Variants in LCOR observed in about 807,000 individuals in gnomAD.
LCOR encodes ligand-dependent corepressor.
In LCOR, 14 loss-of-function variants were observed where a neutral mutation model predicts 64.4. The ratio of observed to expected loss-of-function variants is 0.22; its 90% CI spans 0.14 to 0.34. The LOEUF (loss-of-function observed/expected upper bound fraction) is 0.34, where lower values mean the gene tolerates loss of function less well. Ranked by LOEUF, LCOR falls within the 10% of genes least tolerant of loss-of-function variation. The probability of loss-of-function intolerance (pLI) is 1.00; values close to 1 mark genes in which losing one functional copy is unlikely to be tolerated. For synonymous variants in LCOR, 643 were observed against 642.5 expected (o/e 1.00, Z -0.01); for missense variants, 1,686 against 1,765.3 (o/e 0.96, Z 0.80).
chr10:96,914,455 C>G (rs1204836229), intron 4 of LCOR, among the ~76,000 whole-genome samples: 1 of 152,208 alleles, frequency 6.6e-6, no homozygotes, highest in Non-Finnish European at 1.5e-5. Context: ...CCTCGGCCTC[C>G]CAAAGTGCTG....
chr10:96,960,886 G>C (rs540891786), intron 7 of LCOR: 3 of 152,214 alleles, frequency 2.0e-5, no homozygotes, highest in Admixed American at 6.5e-5. Context: ...GACTTGAATA[G>C]GATTTGTGAA....
At chr10:96,861,311 T>C (rs978590930) in intron 2 of LCOR, among the ~76,000 whole-genome samples, 6 of 152,212 alleles carry the variant, frequency 3.9e-5, no homozygotes, top group African/African-American at 1.4e-4. Context: ...GAAAATGTCA[T>C]AAGTTCGTAG....
rs761907103 is a variant in LCOR at position 96,920,751 on chromosome 10, T to TATATGTATACACACAC, written c.-184+13005_-184+13006insTATGTATACACACACA. The stretch of plus-strand genomic sequence containing the variant: ...GTTCATATATATGTGTATATATGTA[T>TATATGTATACACACAC]ACACACACACACACACACACACACA... On this transcript the variant is annotated intron_variant, in intron 4 of 7. Transcript: ENST00000421806. Among the ~76,000 whole-genome samples the TATATGTATACACACAC allele has an allele frequency of 2.6e-3, 305 of 118,836 alleles. 8 individuals are homozygous for TATATGTATACACACAC. Among genetic ancestry groups the TATATGTATACACACAC allele is most frequent in the East Asian group, 0.011 (45 of 4,110 alleles). 78.0% of individuals were successfully genotyped at this position (118,836 alleles called of 152,430 possible).
At chr10:96,922,841 T>C (rs1019355096) in intron 4 of LCOR, among the ~76,000 whole-genome samples, 1 of 152,196 alleles carries the variant, frequency 6.6e-6, no homozygotes, top group African/African-American at 2.4e-5. Context: ...AGCAGTAATA[T>C]ATATATTGAC....
At chr10:96,909,400 G>A (rs61492214) in intron 4 of LCOR, among the ~76,000 whole-genome samples, 1 of 151,960 alleles carries the variant, frequency 6.6e-6, no homozygotes. Flanking sequence ...AAGCCCCATC[G>A]TTCCTCTGCT....
At chr10:96,836,872 A>G (rs935188154) in intron 2 of LCOR, among the ~76,000 whole-genome samples, 6 of 152,240 alleles carry the variant, frequency 3.9e-5, no homozygotes, top group Admixed American at 3.3e-4. Context: ...CAGGTTAGAA[A>G]GTGGAGACTT....
chr10:96,873,631 C>T (rs564516789), intron 2 of LCOR, among the ~76,000 whole-genome samples: 31 of 143,400 alleles, frequency 2.2e-4, no homozygotes, highest in Admixed American at 3.6e-4. Flanking sequence ...GAGACAGGGT[C>T]TCCCTCTGTG....
intron 2 of LCOR, among the ~76,000 whole-genome samples, chr10:96,873,571 C>CACGT (rs759335426): frequency 6.4e-4 from 81 of 126,382 alleles, no homozygotes; most frequent in East Asian, 2.7e-3. Flanking sequence ...CACACACACA[C>CACGT]GTGTGTGTGT....
intron 2 of LCOR, among the ~76,000 whole-genome samples, chr10:96,883,986 T>C (rs986197708): frequency 1.3e-5 from 2 of 152,206 alleles, no homozygotes; most frequent in Non-Finnish European, 2.9e-5. Context: ...CAATAATATA[T>C]GGTTATTACA....
intron 2 of LCOR, among the ~76,000 whole-genome samples, chr10:96,860,698 G>A (rs942075153): frequency 1.3e-5 from 2 of 152,188 alleles, no homozygotes; most frequent in African/African-American, 4.8e-5. Flanking sequence ...AGTTTTCCCG[G>A]TGGATATCTT....
At chr10:96,833,921 G>C (rs779006028) in intron 2 of LCOR, among the ~76,000 whole-genome samples, 1 of 152,138 alleles carries the variant, frequency 6.6e-6, no homozygotes, top group Non-Finnish European at 1.5e-5. Context: ...AAGGGTGGAG[G>C]GGGTGTGGAG....
At chr10:96,864,464 A>G (rs923790045) in intron 2 of LCOR, among the ~76,000 whole-genome samples, 3 of 152,188 alleles carry the variant, frequency 2.0e-5, no homozygotes, top group Non-Finnish European at 4.4e-5. Flanking sequence ...CATCTTTACT[A>G]GCTACCAAGC....
chr10:96,879,039 G>T (rs541883809), intron 2 of LCOR, among the ~76,000 whole-genome samples: 1 of 151,998 alleles, frequency 6.6e-6, no homozygotes, highest in South Asian at 2.1e-4. Flanking sequence ...CAAGTGATTC[G>T]CCTGCCTTGA....
At chr10:96,960,041 T>C (rs939409323) in intron 7 of LCOR, 4 of 152,200 alleles carry the variant, frequency 2.6e-5, no homozygotes, top group Non-Finnish European at 5.9e-5. Flanking sequence ...TGGGATCAGA[T>C]GGTAAAACTA....
rs1029941316 is a variant in LCOR, at chr10:96,990,310, C to T, written c.*5176C>T. On this transcript the variant is annotated 3_prime_UTR_variant, in exon 8 of 8. Coordinates refer to ENST00000421806, the MANE Select transcript of LCOR (RefSeq NM_001346516.2). Reference sequence around the variant, plus strand: ...TAGTCATCTTCATTTTTATGACGCCCACTGCAGGCTCAAAGAGATTTTCAC... The same window carrying T: ...TAGTCATCTTCATTTTTATGACGCCTACTGCAGGCTCAAAGAGATTTTCAC... 6.6e-6 allele frequency: 1 copy of T among 151,924 alleles called. No homozygotes were observed. The highest frequency in any genetic ancestry group is 2.4e-5 in the African/African-American group (1 of 41,318). The allele number at this position is 151,924 out of a possible 1,614,324, so 9.4% of individuals were successfully genotyped here.
At chr10:96,960,078 C>G (rs1410535179) in intron 7 of LCOR, 3 of 152,076 alleles carry the variant, frequency 2.0e-5, no homozygotes, top group Non-Finnish European at 2.9e-5. Context: ...AAGTTTAGTT[C>G]CCAAGTTTTG....
rs146339082 is a variant in LCOR at position 96,948,349 on chromosome 10, A to C, written c.-50-659A>C. Among the ~76,000 whole-genome samples, 5 of 152,300 alleles carry C rather than the reference A, an allele frequency of 3.3e-5. No homozygotes were observed. In the East Asian group the frequency reaches 9.6e-4, roughly 29 times the overall value. ...GAGGTTCTACAGTTGTGGTCCCCAG[A>C]CCAGCAGCATCTAAGAACTTGTTAG... On this transcript the variant is annotated intron_variant, in intron 5 of 7. Coordinates refer to ENST00000421806, the MANE Select transcript of LCOR (RefSeq NM_001346516.2).
chr10:96,984,658 A>G lies in LCOR; in HGVS notation c.4198A>G (p.Lys1400Glu), dbSNP rs1848130223. 20 of 1,614,200 alleles carry G rather than the reference A, an allele frequency of 1.2e-5. No individual in the cohort carries two copies. Among genetic ancestry groups the G allele is most frequent in the Non-Finnish European group, 1.7e-5 (20 of 1,180,048 alleles). The change falls in exon 8 of 8, where the codon AAG becomes GAG. Residue 1400 changes from lysine to glutamate, a missense_variant. Lys to Glu is a moderately conservative substitution (Grantham distance 56). Transcript: ENST00000421806. The stretch of plus-strand genomic sequence containing the variant: ...TAAAGCAGAAGTTCAGAGTAAACGC[A>G]AGAGAACAGAAGGCAGCAGCCCTCC... ...LPKAEVQSKR[K>E]RTEGSSPPDS...
At chr10:96,975,896 T>C (rs1245052264) in intron 7 of LCOR, among the ~76,000 whole-genome samples, 1 of 151,902 alleles carries the variant, frequency 6.6e-6, no homozygotes, top group African/African-American at 2.4e-5. Context: ...GCGCCTGTAA[T>C]CCCAGCTACT....
Sources: gnomAD v4.1 joint callset for allele counts (sites outside exome capture counted in the v4.1 genomes callset) on GRCh38, gnomAD v4.1.1 for gene constraint, MANE v1.5 for transcripts, NCBI Gene and HGNC (gene_info 2026-07-23, HGNC 2026-07-21) for gene names.